EIF4G3: variants seen among roughly 807,000 people sequenced by gnomAD.
The protein encoded by EIF4G3 is eukaryotic translation initiation factor 4 gamma 3.
Under a neutral mutation model 186.4 loss-of-function variants are expected in EIF4G3, and 34 were observed. That is an observed-to-expected ratio of 0.18 (90% CI 0.14 to 0.24). EIF4G3 has a LOEUF of 0.24. Ranked by LOEUF, EIF4G3 falls within the 10% of genes least tolerant of loss-of-function variation. The probability of loss-of-function intolerance (pLI) is 1.00; values close to 1 mark genes in which losing one functional copy is unlikely to be tolerated. For synonymous variants in EIF4G3, 673 were observed against 679.5 expected (o/e 0.99, Z 0.15); for missense variants, 1,536 against 1,948.5 (o/e 0.79, Z 3.99).
chr1:21,173,601 T>C (rs1414787663), intron 2 of EIF4G3, among the ~76,000 whole-genome samples: 1 of 152,088 alleles, frequency 6.6e-6, no homozygotes, highest in African/African-American at 2.4e-5. Context: ...GGCATGAGAA[T>C]GGCTGGAATC....
intron 14 of EIF4G3, among the ~76,000 whole-genome samples, chr1:20,935,832 G>C (rs2095500178): frequency 6.6e-6 from 1 of 152,190 alleles, no homozygotes; most frequent in East Asian, 1.9e-4. Flanking sequence ...TTCTTTAAAA[G>C]ACTGAGGGAG....
chr1:21,001,210 T>A lies in EIF4G3; in HGVS notation c.133A>T (p.Lys45Ter), dbSNP rs1180256116. The change falls in exon 6 of 37, where the codon AAA becomes TAA. Residue 45 changes from lysine (K) to a stop codon, truncating the protein, a stop_gained. Transcript: ENST00000602326. LOFTEE classifies it high-confidence loss of function. ...YRSLAGRGWI[K>*]YCIFAAGPRP... The stretch of plus-strand genomic sequence containing the variant: ...GTTATATTGCTTACAATGCAGTATT[T>A]TATCCAGCCTCTTCCAGCCAAGGAC... 2 of 471,564 alleles carry A rather than the reference T, an allele frequency of 4.2e-6. No homozygotes were observed. The highest frequency in any genetic ancestry group is 4.4e-6 in the Non-Finnish European group (1 of 227,120). 29.2% of individuals were successfully genotyped at this position (471,564 alleles called of 1,614,324 possible).
At chr1:21,087,827 G>T (rs1007135318) in intron 3 of EIF4G3, among the ~76,000 whole-genome samples, 3 of 151,968 alleles carry the variant, frequency 2.0e-5, no homozygotes, top group African/African-American at 7.2e-5. Flanking sequence ...TAGAGACGGG[G>T]TTTCACTGTG....
At chr1:21,162,613 C>A (rs890197001) in intron 2 of EIF4G3, among the ~76,000 whole-genome samples, 1 of 151,934 alleles carries the variant, frequency 6.6e-6, no homozygotes, top group Non-Finnish European at 1.5e-5. Context: ...TGTGGTGGTG[C>A]ACACCTGTAA....
At chr1:20,902,778 T>C (rs1300287871) in intron 15 of EIF4G3, among the ~76,000 whole-genome samples, 1 of 152,114 alleles carries the variant, frequency 6.6e-6, no homozygotes, top group African/African-American at 2.4e-5. Context: ...GTAGCTGGGA[T>C]TATAGGCGCG....
At chr1:21,141,714 A>C (rs149136981) in intron 2 of EIF4G3, among the ~76,000 whole-genome samples, 76 of 152,260 alleles carry the variant, frequency 5.0e-4, no homozygotes, top group African/African-American at 1.6e-3. Context: ...AGATCGTTTG[A>C]ACCTAGGAGT....
intron 7 of EIF4G3, among the ~76,000 whole-genome samples, chr1:20,992,435 T>C (rs1353549023): frequency 6.6e-6 from 1 of 152,176 alleles, no homozygotes; most frequent in Non-Finnish European, 1.5e-5. Context: ...GCAGTTCTTT[T>C]CAAAAGTTTC....
chr1:20,819,027 C>G (rs552300226), intron 33 of EIF4G3, among the ~76,000 whole-genome samples: 14 of 152,120 alleles, frequency 9.2e-5, no homozygotes, highest in African/African-American at 3.1e-4. Flanking sequence ...CTCAGCCTCC[C>G]GAGCAGCTGA....
In EIF4G3 at chr1:20,910,568, G is replaced by A. The variant is rs1326404143; in HGVS notation, c.1664-5597C>T. On this transcript the variant is annotated intron_variant, in intron 14 of 36. Coordinates refer to ENST00000602326, the MANE Select transcript of EIF4G3 (RefSeq NM_001391906.1). The stretch of plus-strand genomic sequence containing the variant: ...CACTGCACTCAGCCTGGGCGACAGT[G>A]TGAGACTCCGACTCAAAAAAACAAA... 2.0e-5 allele frequency among the ~76,000 whole-genome samples: 3 copies of A among 152,156 alleles called. No individual in the cohort carries two copies. In the East Asian group the frequency reaches 5.8e-4, roughly 29 times the overall value.
At chr1:21,041,928 T>C (rs1359605521) in intron 4 of EIF4G3, among the ~76,000 whole-genome samples, 2 of 151,890 alleles carry the variant, frequency 1.3e-5, no homozygotes, top group Admixed American at 6.6e-5. Context: ...AATAAATGTA[T>C]GCACTGAGAA....
chr1:20,865,885 A>G (rs1257603346), intron 20 of EIF4G3, among the ~76,000 whole-genome samples: 1 of 147,498 alleles, frequency 6.8e-6, no homozygotes, highest in Admixed American at 7.0e-5. Flanking sequence ...GATCCTTACA[A>G]GGTTTCCATC....
At chr1:21,101,874 A>G (rs1202227149) in intron 2 of EIF4G3, among the ~76,000 whole-genome samples, 1 of 152,198 alleles carries the variant, frequency 6.6e-6, no homozygotes, top group Non-Finnish European at 1.5e-5. Context: ...CCAGACCTTC[A>G]GAGTATAACT....
chr1:20,999,570 T>A (rs1440342790), intron 6 of EIF4G3: 3 of 310,334 alleles, frequency 9.7e-6, no homozygotes, highest in Non-Finnish European at 1.9e-5. Flanking sequence ...ACATTTTGAA[T>A]GTTCCAGTCA....
intron 21 of EIF4G3, 56 bp downstream of exon 21, chr1:20,865,060 T>G (rs2077262835): frequency 6.3e-7 from 1 of 1,591,870 alleles, no homozygotes. Context: ...TTCCTGAAAT[T>G]TCTACTTTAC....
chr1:21,087,585 G>A (rs994347934), intron 3 of EIF4G3, among the ~76,000 whole-genome samples: 3 of 151,826 alleles, frequency 2.0e-5, no homozygotes, highest in Non-Finnish European at 4.4e-5. Flanking sequence ...GCTTGAGCTC[G>A]GGAGTCTGAC....
chr1:20,849,081 T>C (rs1228971411), intron 29 of EIF4G3, among the ~76,000 whole-genome samples: 2 of 135,524 alleles, frequency 1.5e-5, no homozygotes, highest in Admixed American at 7.5e-5. Context: ...AAAAAGACCA[T>C]GACAGCTATA....
rs148859086 is a variant in EIF4G3 at position 21,064,175 on chromosome 1, C to T, written c.-195-13181G>A. ...AAGCCAATGATGTAGTTGAGGATGG[C>T]GAGGTTCATGCTATCCTTTGTGCCC... On this transcript the variant is annotated intron_variant, in intron 3 of 36. Coordinates refer to ENST00000602326, the MANE Select transcript of EIF4G3 (RefSeq NM_001391906.1). Among the ~76,000 whole-genome samples the T allele has an allele frequency of 3.9e-5, 6 of 152,120 alleles. No individual in the cohort carries two copies. The East Asian group carries it at 1.2e-3, about 29-fold the overall frequency.
At chr1:21,062,870 C>T (rs1462598201) in intron 3 of EIF4G3, among the ~76,000 whole-genome samples, 1 of 152,110 alleles carries the variant, frequency 6.6e-6, no homozygotes, top group Non-Finnish European at 1.5e-5. Flanking sequence ...GGATTACAGG[C>T]GTGAGCCACG....
At chr1:20,989,253 T>C (rs1290034238) in intron 7 of EIF4G3, among the ~76,000 whole-genome samples, 1 of 150,728 alleles carries the variant, frequency 6.6e-6, no homozygotes, top group Non-Finnish European at 1.5e-5. Context: ...GCAAAAGAAC[T>C]AGAATTAGAA....
Sources: gnomAD v4.1 joint callset for allele counts (sites outside exome capture counted in the v4.1 genomes callset) on GRCh38, gnomAD v4.1.1 for gene constraint, MANE v1.5 for transcripts, NCBI Gene and HGNC (gene_info 2026-07-23, HGNC 2026-07-21) for gene names.